PIGK: variants seen among roughly 807,000 people sequenced by gnomAD.
The protein encoded by PIGK is GPI-anchor transamidase.
In PIGK, 42 loss-of-function variants were observed where a neutral mutation model predicts 50.6. That is an observed-to-expected ratio of 0.83 (90% confidence interval 0.65 to 1.07). The LOEUF (loss-of-function observed/expected upper bound fraction) is 1.07, where lower values mean the gene tolerates loss of function less well. PIGK is among the 50% of genes least tolerant of loss of function. The pLI is 0.00. For synonymous variants in PIGK, 151 were observed against 156.0 expected, an observed-to-expected ratio of 0.97 and a Z score of 0.24; for missense variants, 448 against 488.7, an observed-to-expected ratio of 0.92 and a Z score of 0.78.
At chr1:77,168,244 C>CA (rs1655276984) in intron 4 of PIGK, among the ~76,000 whole-genome samples, 1 of 152,128 alleles carries the variant, frequency 6.6e-6, no homozygotes, top group Non-Finnish European at 1.5e-5. Context: ...ACAGCTGAGT[C>CA]ATATATTATG....
At chr1:77,138,377 G>A (rs1205986067) in intron 9 of PIGK, among the ~76,000 whole-genome samples, 18 of 152,186 alleles carry the variant, frequency 1.2e-4, no homozygotes, top group Admixed American at 8.5e-4. Flanking sequence ...ATGAGGCAAG[G>A]ACCTAAGACA....
chr1:77,114,835 T>C lies in PIGK; in HGVS notation c.1071+7440A>G, dbSNP rs941221801. Among the ~76,000 whole-genome samples the C allele has an allele frequency of 3.3e-5, 5 of 152,186 alleles. 1 individual carries two copies. The highest frequency in any genetic ancestry group is 2.0e-4 in the Admixed American group (3 of 15,278). On this transcript the variant is annotated intron_variant, in intron 10 of 10. Coordinates refer to ENST00000370812, the MANE Select transcript of PIGK (RefSeq NM_005482.3). The stretch of plus-strand genomic sequence containing the variant: ...GCCTTATCACTTGAATAAAAATAAA[T>C]GAAAAATGTATTATTTTTCACTAGA...
chr1:77,215,323 G>C (rs1396322873), intron 1 of PIGK, among the ~76,000 whole-genome samples: 1 of 152,092 alleles, frequency 6.6e-6, no homozygotes, highest in African/African-American at 2.4e-5. Flanking sequence ...ATGAAAAAAT[G>C]CTCAATATCA....
intron 9 of PIGK, among the ~76,000 whole-genome samples, chr1:77,147,141 G>A (rs1654787417): frequency 6.6e-6 from 1 of 152,130 alleles, no homozygotes; most frequent in Non-Finnish European, 1.5e-5. Flanking sequence ...CTTACTTGGT[G>A]GCAGTAAGAG....
intron 10 of PIGK, among the ~76,000 whole-genome samples, chr1:77,105,445 T>C (rs1256949889): frequency 1.3e-5 from 2 of 152,028 alleles, no homozygotes; most frequent in African/African-American, 2.4e-5. Flanking sequence ...GACCCACCCC[T>C]ATCTGCCTAG....
At chr1:77,177,545 T>C (rs1169884018) in intron 3 of PIGK, among the ~76,000 whole-genome samples, 1 of 152,246 alleles carries the variant, frequency 6.6e-6, no homozygotes, top group Admixed American at 6.5e-5. Flanking sequence ...AGTTAATCTA[T>C]AATCTATAAA....
chr1:77,173,264 C>A (rs1216324241), intron 3 of PIGK, among the ~76,000 whole-genome samples: 2 of 152,198 alleles, frequency 1.3e-5, no homozygotes, highest in Non-Finnish European at 2.9e-5. Flanking sequence ...TTAGTCTCAT[C>A]TACGGATGCC....
intron 9 of PIGK, among the ~76,000 whole-genome samples, chr1:77,153,205 G>A (rs1489043156): frequency 1.3e-5 from 2 of 152,126 alleles, no homozygotes; most frequent in Non-Finnish European, 2.9e-5. Context: ...CTTGTTATTT[G>A]TAACAACATG....
At chr1:77,188,995 T>C (rs1181029333) in intron 3 of PIGK, among the ~76,000 whole-genome samples, 2 of 152,240 alleles carry the variant, frequency 1.3e-5, no homozygotes. Flanking sequence ...GGAACTGTAA[T>C]TGTCATGAGT....
At position 77,117,607 on chromosome 1, in the gene PIGK, G is replaced by A. The variant is rs1035730882; in HGVS notation, c.1071+4668C>T. 5.9e-5 allele frequency among the ~76,000 whole-genome samples: 9 copies of A among 152,306 alleles called. No individual in the cohort carries two copies. In the Middle Eastern group the frequency reaches 0.01, roughly 173 times the overall value. ...GTACCTACCTTCCCAGAGTTCTGCA[G>A]TATAAACTGGCTGGTTCTTATAGGG... On this transcript the variant is annotated intron_variant, in intron 10 of 10. Coordinates refer to ENST00000370812, the MANE Select transcript of PIGK (RefSeq NM_005482.3).
At position 77,128,991 on chromosome 1, in the gene PIGK, G is replaced by A. The variant is rs549995632; in HGVS notation, c.987-6632C>T. On this transcript the variant is annotated intron_variant, in intron 9 of 10. Transcript: ENST00000370812. ...AAAATTACACAAAATTTGAATTTCA[G>A]TGTTGCACTATAACAGCAGAGCTGC... The A allele has an allele frequency of 7.8e-6, 5 of 643,112 alleles. No homozygotes were observed. In the East Asian group the frequency reaches 1.3e-4, roughly 17 times the overall value. The allele number at this position is 643,112 out of a possible 1,614,324, so 39.8% of individuals were successfully genotyped here.
intron 9 of PIGK, among the ~76,000 whole-genome samples, chr1:77,143,489 C>G (rs1255034321): frequency 2.0e-5 from 3 of 151,978 alleles, no homozygotes; most frequent in African/African-American, 7.2e-5. Context: ...TATCATTTAC[C>G]AGGTCCATTT....
Position 77,181,854 on chromosome 1 carries a change from C to T in PIGK, c.240-12459G>A, listed in dbSNP as rs78614219. ...GTAAATTACCTTTTGGTTTTTCTTC[C>T]TCCTCCCTTCCCATGTCTTGAGGAA... On this transcript the variant is annotated intron_variant, in intron 3 of 10. Coordinates refer to ENST00000370812, the MANE Select transcript of PIGK (RefSeq NM_005482.3). Among the ~76,000 whole-genome samples the T allele has an allele frequency of 1.8e-3, 270 of 152,222 alleles. 1 individual carries two copies. Among genetic ancestry groups the T allele is most frequent in the Non-Finnish European group, 2.2e-3 (148 of 68,000 alleles).
In PIGK at chr1:77,091,013, T is replaced by C. The variant is rs1653284286; in HGVS notation, c.*1361A>G. On this transcript the variant is annotated 3_prime_UTR_variant, in exon 11 of 11. Coordinates refer to ENST00000370812, the MANE Select transcript of PIGK (RefSeq NM_005482.3). ...AAGGAAAAACAAATCTTAAGGAATA[T>C]TAATTTTAGGAGGTTTTCTTGTGGA... 6.6e-6 allele frequency: 1 copy of C among 152,164 alleles called. No homozygotes were observed. The highest frequency in any genetic ancestry group is 1.5e-5 in the Non-Finnish European group (1 of 68,020). The allele number at this position is 152,164 out of a possible 1,614,324, so 9.4% of individuals were successfully genotyped here.
chr1:77,119,655 C>T (rs1367131757), intron 10 of PIGK, among the ~76,000 whole-genome samples: 1 of 152,156 alleles, frequency 6.6e-6, no homozygotes, highest in Non-Finnish European at 1.5e-5. Flanking sequence ...GTTTAAATAT[C>T]ACACACAATA....
chr1:77,202,234 T>C (rs975202565), intron 3 of PIGK, among the ~76,000 whole-genome samples: 2 of 152,198 alleles, frequency 1.3e-5, no homozygotes, highest in Non-Finnish European at 2.9e-5. Flanking sequence ...CATTCACTCA[T>C]TCACTCTGCA....
In PIGK at chr1:77,129,714, AAAATAAATAAAT is replaced by A. The variant is rs144134062; in HGVS notation, c.987-7367_987-7356del. ...TAATTAAAAGGAAAAATAAAAAATAAAAATAAATAAATAAATAAATAAATATTTACTATCTGG... is the reference window on the plus strand; with the variant it reads ...TAATTAAAAGGAAAAATAAAAAATAAAAATAAATAAATATTTACTATCTGG... On this transcript the variant is annotated intron_variant, in intron 9 of 10. Coordinates refer to ENST00000370812, the MANE Select transcript of PIGK (RefSeq NM_005482.3). 5 of 915,766 alleles carry A rather than the reference AAAATAAATAAAT, an allele frequency of 5.5e-6. No individual in the cohort carries two copies. The East Asian group carries it at 8.5e-5, about 16-fold the overall frequency. The allele number at this position is 915,766 out of a possible 1,614,324, so 56.7% of individuals were successfully genotyped here.
chr1:77,133,808 G>C (rs891165535), intron 9 of PIGK, among the ~76,000 whole-genome samples: 1 of 152,194 alleles, frequency 6.6e-6, no homozygotes, highest in Non-Finnish European at 1.5e-5. Context: ...TCAACACAGA[G>C]AGAGTAAGAC....
At chr1:77,130,189 C>T (rs1365741793) in intron 9 of PIGK, among the ~76,000 whole-genome samples, 13 of 103,918 alleles carry the variant, frequency 1.3e-4, no homozygotes, top group African/African-American at 3.6e-4. Flanking sequence ...TTTGCATTGT[C>T]TTTTTTTTTT....
Sources: gnomAD v4.1 joint callset for allele counts (sites outside exome capture counted in the v4.1 genomes callset) on GRCh38, gnomAD v4.1.1 for gene constraint, MANE v1.5 for transcripts, NCBI Gene and HGNC (gene_info 2026-07-23, HGNC 2026-07-21) for gene names.